CDH12: variants seen among roughly 807,000 people sequenced by gnomAD.
The protein encoded by CDH12 is cadherin-12.
A neutral mutation model predicts 74.1 loss-of-function variants in CDH12; 41 were observed. That is an observed-to-expected ratio of 0.55 (90% CI 0.43 to 0.72). The LOEUF (loss-of-function observed/expected upper bound fraction) is 0.72. Ranked by LOEUF, CDH12 falls within the 30% of genes least tolerant of loss-of-function variation. The pLI, the probability that CDH12 is intolerant of heterozygous loss-of-function variation, is 0.00. For missense variants in CDH12, 945 were observed against 977.2 expected (o/e 0.97, Z 0.44); for synonymous variants, 399 against 355.0 (o/e 1.12, Z -1.39).
At chr5:22,211,010 G>C (rs370876295) in intron 4 of CDH12, among the ~76,000 whole-genome samples, 2 of 152,174 alleles carry the variant, frequency 1.3e-5, no homozygotes, top group East Asian at 3.8e-4. Flanking sequence ...CATACTGGTA[G>C]CCAAGTACAC....
chr5:22,225,348 T>G (rs1215724116), intron 3 of CDH12, among the ~76,000 whole-genome samples: 1 of 152,112 alleles, frequency 6.6e-6, no homozygotes, highest in African/African-American at 2.4e-5. Context: ...TAAAGGGAGA[T>G]AAGTCATTTT....
chr5:21,764,251 A>G (rs1579656529), intron 12 of CDH12, among the ~76,000 whole-genome samples: 1 of 152,146 alleles, frequency 6.6e-6, no homozygotes. Context: ...GCGCGCGCCT[A>G]TAGTCCCAGC....
chr5:21,814,883 G>A (rs956298661), intron 9 of CDH12, among the ~76,000 whole-genome samples: 2 of 151,716 alleles, frequency 1.3e-5, no homozygotes, highest in Non-Finnish European at 2.9e-5. Context: ...AAAATTAAGT[G>A]AGAAGACTTT....
At chr5:22,488,876 G>A (rs1204608071) in intron 2 of CDH12, among the ~76,000 whole-genome samples, 1 of 151,662 alleles carries the variant, frequency 6.6e-6, no homozygotes, top group African/African-American at 2.4e-5. Flanking sequence ...TGTCCCATGT[G>A]GCATGGCATG....
chr5:22,265,485 T>C (rs187222588), intron 3 of CDH12, among the ~76,000 whole-genome samples: 134 of 152,276 alleles, frequency 8.8e-4, no homozygotes, highest in Middle Eastern at 6.8e-3. Flanking sequence ...AAGAGAAAGG[T>C]TCTGCTCTCT....
intron 1 of CDH12, among the ~76,000 whole-genome samples, chr5:22,787,661 C>T (rs1051489912): frequency 1.3e-5 from 2 of 151,522 alleles, no homozygotes; most frequent in African/African-American, 4.8e-5. Flanking sequence ...TTCATACTTT[C>T]TAAGGGCGCC....
intron 6 of CDH12, among the ~76,000 whole-genome samples, chr5:21,940,470 CT>C (rs1755280277): frequency 6.6e-6 from 1 of 152,152 alleles, no homozygotes; most frequent in Non-Finnish European, 1.5e-5. Flanking sequence ...TGGAAAATTT[CT>C]TGTGACATGT....
intron 1 of CDH12, among the ~76,000 whole-genome samples, chr5:22,621,306 T>G (rs1217542428): frequency 6.6e-6 from 1 of 152,138 alleles, no homozygotes; most frequent in Non-Finnish European, 1.5e-5. Flanking sequence ...TTCCTTTTGT[T>G]GTGTAAGAAT....
At chr5:22,760,388 A>G (rs1156304574) in intron 1 of CDH12, among the ~76,000 whole-genome samples, 4 of 152,192 alleles carry the variant, frequency 2.6e-5, no homozygotes, top group Admixed American at 2.6e-4. Context: ...TATTTGAAAA[A>G]AGCGTAAATG....
chr5:22,554,125 A>G (rs1386526125), intron 1 of CDH12, among the ~76,000 whole-genome samples: 1 of 152,148 alleles, frequency 6.6e-6, no homozygotes, highest in African/African-American at 2.4e-5. Flanking sequence ...TGGAGACAGT[A>G]AAAAGATCAG....
intron 1 of CDH12, among the ~76,000 whole-genome samples, chr5:22,701,172 T>A (rs1742695102): frequency 6.6e-6 from 1 of 152,196 alleles, no homozygotes; most frequent in Non-Finnish European, 1.5e-5. Context: ...GCCAGCTGCC[T>A]ACTTCACATA....
At chr5:22,531,728 C>T (rs932408254) in intron 1 of CDH12, among the ~76,000 whole-genome samples, 17 of 152,026 alleles carry the variant, frequency 1.1e-4, no homozygotes, top group African/African-American at 3.9e-4. Flanking sequence ...CCAAAGAATC[C>T]GGAAAAGACT....
At chr5:21,999,405 A>G (rs1392161675) in intron 5 of CDH12, among the ~76,000 whole-genome samples, 3 of 152,100 alleles carry the variant, frequency 2.0e-5, no homozygotes, top group Non-Finnish European at 2.9e-5. Context: ...TTCTTTTCCA[A>G]CTCGGCACAC....
intron 4 of CDH12, among the ~76,000 whole-genome samples, chr5:22,086,186 A>G (rs1404162416): frequency 6.6e-6 from 1 of 152,154 alleles, no homozygotes; most frequent in African/African-American, 2.4e-5. Context: ...AGCAAAACAG[A>G]GGTGTCTGTA....
intron 11 of CDH12, chr5:21,774,257 A>C (rs1745472994): frequency 6.6e-6 from 1 of 152,148 alleles, no homozygotes; most frequent in Non-Finnish European, 1.5e-5. Flanking sequence ...GAATAAGCTC[A>C]CTGAGTCTTC....
intron 4 of CDH12, among the ~76,000 whole-genome samples, chr5:22,092,195 C>G (rs1343016490): frequency 4.6e-5 from 7 of 151,838 alleles, no homozygotes; most frequent in African/African-American, 7.2e-5. Context: ...TACACACAAA[C>G]ATAGAATAGG....
chr5:21,919,375 T>C (rs2150070513), intron 6 of CDH12, among the ~76,000 whole-genome samples: 1 of 152,310 alleles, frequency 6.6e-6, no homozygotes, highest in East Asian at 1.9e-4. Flanking sequence ...AATTTAGTTG[T>C]AACCCTATTT....
intron 4 of CDH12, among the ~76,000 whole-genome samples, chr5:22,153,590 A>T (rs1747761378): frequency 1.3e-5 from 2 of 151,142 alleles, no homozygotes; most frequent in African/African-American, 4.8e-5. Context: ...AAGCTCTGTA[A>T]GCCTCAGTTT....
chr5:22,716,657 G>T (rs1184247866), intron 1 of CDH12, among the ~76,000 whole-genome samples: 5 of 151,686 alleles, frequency 3.3e-5, no homozygotes, highest in African/African-American at 4.8e-5. Flanking sequence ...AGGTCCTTCG[G>T]GAGGTATCCA....
Sources: gnomAD v4.1 joint callset for allele counts (sites outside exome capture counted in the v4.1 genomes callset) on GRCh38, gnomAD v4.1.1 for gene constraint, MANE v1.5 for transcripts, NCBI Gene and HGNC (gene_info 2026-07-23, HGNC 2026-07-21) for gene names.